Variants in TRIM9 observed in about 807,000 individuals in gnomAD.
The protein encoded by TRIM9 is tripartite motif containing 9.
In TRIM9, 26 loss-of-function variants were observed where a neutral mutation model predicts 78.3. The observed-to-expected ratio is 0.33, with a 90% confidence interval of 0.24 to 0.46. TRIM9 has a LOEUF of 0.46. TRIM9 is among the 20% of genes least tolerant of loss of function. The probability of loss-of-function intolerance (pLI) is 1.00; values close to 1 mark genes in which losing one functional copy is unlikely to be tolerated. For synonymous variants in TRIM9, 398 were observed against 416.5 expected (o/e 0.96, Z 0.54); for missense variants, 787 against 1,036.4 (o/e 0.76, Z 3.30).
intron 5 of TRIM9, among the ~76,000 whole-genome samples, chr14:51,001,203 T>C (rs2054947984): frequency 1.3e-5 from 2 of 151,934 alleles, no homozygotes; most frequent in Admixed American, 1.3e-4. Context: ...ATTTAACTTA[T>C]AACGTGCCTG....
chr14:51,081,571 CAG>C (rs1471276779), intron 1 of TRIM9, among the ~76,000 whole-genome samples: 1 of 152,150 alleles, frequency 6.6e-6, no homozygotes. Context: ...CACAAACTAC[CAG>C]AGTTAGACTC....
chr14:51,083,742 G>A (rs540948879), intron 1 of TRIM9, among the ~76,000 whole-genome samples: 72 of 152,264 alleles, frequency 4.7e-4, no homozygotes, highest in African/African-American at 1.6e-3. Context: ...AGATGCCAGC[G>A]AGCTTTAGGG....
chr14:51,023,027 C>A (rs1298436572), intron 2 of TRIM9, 70 bp from the exon 3 acceptor site: 14 of 1,594,220 alleles, frequency 8.8e-6, no homozygotes, highest in African/African-American at 4.1e-5. Flanking sequence ...AAACAGAGCT[C>A]CCCCATCCTG....
chr14:51,062,760 G>A (rs537342708), intron 1 of TRIM9, among the ~76,000 whole-genome samples: 8 of 152,158 alleles, frequency 5.3e-5, no homozygotes, highest in African/African-American at 9.7e-5. Flanking sequence ...CTGAACTGTG[G>A]ATGCATGGGA....
Position 51,015,505 on chromosome 14 carries a change from C to CTTTTTTTTTTTTTTTTTTTTTTTTT in TRIM9, c.1042-5036_1042-5012dup, listed in dbSNP as rs369652663. Among the ~76,000 whole-genome samples, 18 of 61,330 alleles carry CTTTTTTTTTTTTTTTTTTTTTTTTT rather than the reference C, an allele frequency of 2.9e-4. 4 individuals are homozygous for CTTTTTTTTTTTTTTTTTTTTTTTTT. Among genetic ancestry groups the CTTTTTTTTTTTTTTTTTTTTTTTTT allele is most frequent in the African/African-American group, 8.9e-4 (13 of 14,654 alleles). 40.2% of individuals were successfully genotyped at this position (61,330 alleles called of 152,430 possible). ...AATGCTTTTTTCTTTCTTTACTTTT[C>CTTTTTTTTTTTTTTTTTTTTTTTTT]TTTTTTTTTTTTTTTTTTTTTTTTT... On this transcript the variant is annotated intron_variant, in intron 3 of 12. Coordinates refer to ENST00000684578, the MANE Select transcript of TRIM9 (RefSeq NM_001387360.1).
intron 1 of TRIM9, among the ~76,000 whole-genome samples, chr14:51,088,017 A>G (rs943707956): frequency 3.9e-5 from 6 of 152,220 alleles, no homozygotes; most frequent in Admixed American, 1.3e-4. Context: ...ATTCCAGTCC[A>G]TACATATAAA....
At chr14:50,979,757 C>T (rs1307785448) in intron 11 of TRIM9, among the ~76,000 whole-genome samples, 1 of 152,142 alleles carries the variant, frequency 6.6e-6, no homozygotes, top group Non-Finnish European at 1.5e-5. Flanking sequence ...GTGTTTTATA[C>T]ATAACAAGAG....
intron 1 of TRIM9, among the ~76,000 whole-genome samples, chr14:51,053,973 A>G (rs2060672034): frequency 6.6e-6 from 1 of 152,252 alleles, no homozygotes; most frequent in Admixed American, 6.5e-5. Context: ...TTAATCAGCT[A>G]CCATCTCTAA....
intron 7 of TRIM9, chr14:50,997,669 C>G (rs1185585439): frequency 9.0e-7 from 1 of 1,105,522 alleles, no homozygotes; most frequent in Non-Finnish European, 1.1e-6. Flanking sequence ...TTAGAATCAT[C>G]TGGGCAAAAC....
chr14:51,064,411 C>T lies in TRIM9; in HGVS notation c.822+29707G>A, dbSNP rs560536598. On this transcript the variant is annotated intron_variant, in intron 1 of 12. Coordinates refer to ENST00000684578, the MANE Select transcript of TRIM9 (RefSeq NM_001387360.1). ...TATATTAAATTCAAAAGTGTAACTA[C>T]TCCAATTAAAAGGTAAAGACTAGCA... 2.0e-3 allele frequency among the ~76,000 whole-genome samples: 310 copies of T among 152,036 alleles called. 1 individual carries two copies. The highest frequency in any genetic ancestry group is 6.5e-3 in the African/African-American group (268 of 41,510).
chr14:51,028,598 G>A (rs1479428994), intron 1 of TRIM9, among the ~76,000 whole-genome samples: 6 of 152,192 alleles, frequency 3.9e-5, no homozygotes, highest in Admixed American at 6.5e-5. Context: ...TTTTCATCAC[G>A]GCATCTTTGG....
chr14:51,044,876 C>T (rs1040329045), intron 1 of TRIM9, among the ~76,000 whole-genome samples: 1 of 152,168 alleles, frequency 6.6e-6, no homozygotes, highest in African/African-American at 2.4e-5. Flanking sequence ...TTTCTGTCGG[C>T]AGTCATTTTT....
chr14:51,073,556 G>A (rs2062484930), intron 1 of TRIM9, among the ~76,000 whole-genome samples: 1 of 152,188 alleles, frequency 6.6e-6, no homozygotes, highest in South Asian at 2.1e-4. Flanking sequence ...AGTGCATACT[G>A]TATGATGACA....
intron 1 of TRIM9, among the ~76,000 whole-genome samples, chr14:51,065,344 C>T (rs1282848704): frequency 1.3e-5 from 2 of 152,206 alleles, no homozygotes; most frequent in East Asian, 3.9e-4. Context: ...ATTCCAGCTG[C>T]TCTTTAGAGA....
intron 3 of TRIM9, 128 bp downstream of exon 3, chr14:51,022,707 A>T (rs923115303): frequency 7.0e-6 from 10 of 1,429,442 alleles, no homozygotes; most frequent in Non-Finnish European, 7.5e-6. Flanking sequence ...TGGCCAGACC[A>T]CTGGCTACCC....
intron 1 of TRIM9, among the ~76,000 whole-genome samples, chr14:51,075,861 A>T (rs558501275): frequency 7.9e-5 from 12 of 152,338 alleles, no homozygotes; most frequent in African/African-American, 2.9e-4. Context: ...ATGCAAAAAA[A>T]TCGTTGTGGG....
intron 4 of TRIM9, 127 bp downstream of exon 4, chr14:51,010,257 G>A: frequency 1.5e-6 from 1 of 671,154 alleles, no homozygotes; most frequent in Non-Finnish European, 2.6e-6. Context: ...GTACACTGCA[G>A]TGTGAGGTAG....
chr14:51,082,510 A>T (rs1473941814), intron 1 of TRIM9, among the ~76,000 whole-genome samples: 1 of 152,210 alleles, frequency 6.6e-6, no homozygotes, highest in African/African-American at 2.4e-5. Flanking sequence ...AAGAAGACAG[A>T]TGCAAAAGGC....
chr14:51,050,841 C>T (rs1429697585), intron 1 of TRIM9, among the ~76,000 whole-genome samples: 2 of 151,888 alleles, frequency 1.3e-5, no homozygotes, highest in African/African-American at 4.8e-5. Flanking sequence ...CCAGCACCAA[C>T]CACCTTGCCA....
Sources: gnomAD v4.1 joint callset for allele counts (sites outside exome capture counted in the v4.1 genomes callset) on GRCh38, gnomAD v4.1.1 for gene constraint, MANE v1.5 for transcripts, NCBI Gene and HGNC (gene_info 2026-07-23, HGNC 2026-07-21) for gene names.